BABAM2: variants seen among roughly 807,000 people sequenced by gnomAD.
BABAM2 encodes BRISC and BRCA1 A complex member 2.
Under a neutral mutation model 54.7 loss-of-function variants are expected in BABAM2, and 31 were observed. The observed-to-expected ratio is 0.57, with a 90% CI of 0.43 to 0.77. The LOEUF (loss-of-function observed/expected upper bound fraction) is 0.77. Among genes scored for constraint, BABAM2 ranks in the 30% least tolerant of loss-of-function variants. The pLI is 0.00. For missense variants in BABAM2, 364 were observed against 455.8 expected (o/e 0.80, Z 1.83); for synonymous variants, 167 against 162.9 (o/e 1.03, Z -0.19).
chr2:28,109,729 A>G (rs1375971861), intron 6 of BABAM2, among the ~76,000 whole-genome samples: 1 of 152,158 alleles, frequency 6.6e-6, no homozygotes, highest in African/African-American at 2.4e-5. Context: ...TCCGGGGTAT[A>G]TGGACGTGAC....
intron 6 of BABAM2, among the ~76,000 whole-genome samples, chr2:28,057,881 C>T (rs1266869995): frequency 1.3e-5 from 2 of 152,060 alleles, no homozygotes; most frequent in African/African-American, 2.4e-5. Flanking sequence ...CGGTGGCTCA[C>T]GCCTGTAATT....
intron 10 of BABAM2, among the ~76,000 whole-genome samples, chr2:28,284,367 T>A (rs1686624118): frequency 6.7e-6 from 1 of 149,384 alleles, no homozygotes. Context: ...ATCCTAAATA[T>A]ACAAAGATTG....
At chr2:27,999,582 A>G (rs905941393) in intron 4 of BABAM2, among the ~76,000 whole-genome samples, 8 of 152,356 alleles carry the variant, frequency 5.3e-5, no homozygotes, top group African/African-American at 1.7e-4. Context: ...AAACTTCCAC[A>G]GCCTTAGGTT....
chr2:27,900,061 C>T (rs1447868906), intron 2 of BABAM2, among the ~76,000 whole-genome samples: 1 of 152,132 alleles, frequency 6.6e-6, no homozygotes, highest in Non-Finnish European at 1.5e-5. Flanking sequence ...AAAACAATGA[C>T]AGAGTTAGGG....
intron 3 of BABAM2, among the ~76,000 whole-genome samples, chr2:27,960,592 A>G (rs1289774682): frequency 6.6e-6 from 1 of 152,160 alleles, no homozygotes; most frequent in East Asian, 1.9e-4. Context: ...AGAAAGAAAT[A>G]TTTACAGTCA....
At chr2:28,055,155 C>T (rs533275693) in intron 6 of BABAM2, among the ~76,000 whole-genome samples, 40 of 152,236 alleles carry the variant, frequency 2.6e-4, no homozygotes, top group African/African-American at 8.9e-4. Context: ...AGGAAACTAA[C>T]ACAGGAACAG....
intron 11 of BABAM2, among the ~76,000 whole-genome samples, chr2:28,316,860 C>T (rs1371666473): frequency 2.0e-5 from 3 of 152,164 alleles, no homozygotes; most frequent in Non-Finnish European, 2.9e-5. Context: ...CGCTGCTTCA[C>T]TTTAGAAATG....
chr2:27,899,492 G>A (rs536854796), intron 2 of BABAM2, among the ~76,000 whole-genome samples: 40 of 137,604 alleles, frequency 2.9e-4, no homozygotes, highest in African/African-American at 9.7e-4. Flanking sequence ...TTTTTTTTTC[G>A]TGACAGAGTT....
At chr2:28,014,576 G>T (rs758095210) in intron 4 of BABAM2, among the ~76,000 whole-genome samples, 34 of 151,634 alleles carry the variant, frequency 2.2e-4, no homozygotes, top group Non-Finnish European at 3.8e-4. Flanking sequence ...TCATTTGGAT[G>T]GCAGATATTT....
intron 3 of BABAM2, among the ~76,000 whole-genome samples, chr2:27,978,865 C>G (rs56096425): frequency 0.078 from 11,799 of 152,146 alleles, 777 homozygotes; most frequent in African/African-American, 0.18. Flanking sequence ...CAATGTTTAG[C>G]TTCCACTTAC....
At chr2:28,215,286 A>G (rs760160121) in intron 7 of BABAM2, among the ~76,000 whole-genome samples, 3 of 152,210 alleles carry the variant, frequency 2.0e-5, no homozygotes, top group Non-Finnish European at 1.5e-5. Context: ...GACCTTAAGC[A>G]AACTCTTTAA....
At chr2:28,173,663 T>A (rs543064199) in intron 7 of BABAM2, among the ~76,000 whole-genome samples, 1 of 152,246 alleles carries the variant, frequency 6.6e-6, no homozygotes, top group African/African-American at 2.4e-5. Context: ...GACCACAGCA[T>A]CCCTAATCTT....
chr2:28,296,666 T>C (rs1687716464), intron 10 of BABAM2, among the ~76,000 whole-genome samples: 2 of 152,132 alleles, frequency 1.3e-5, no homozygotes, highest in African/African-American at 4.8e-5. Context: ...GATAGATGTA[T>C]AATTATCTAG....
At chr2:28,124,731 G>C (rs1669359040) in intron 6 of BABAM2, among the ~76,000 whole-genome samples, 1 of 152,096 alleles carries the variant, frequency 6.6e-6, no homozygotes, top group African/African-American at 2.4e-5. Flanking sequence ...TCCTCACCCA[G>C]TTAGAAACAG....
chr2:28,060,887 G>A (rs1678801308), intron 6 of BABAM2, among the ~76,000 whole-genome samples: 1 of 152,212 alleles, frequency 6.6e-6, no homozygotes, highest in East Asian at 1.9e-4. Context: ...AATCTCGTAA[G>A]ATATCAGTTC....
At chr2:28,310,057 G>T in intron 11 of BABAM2, 1 of 1,611,632 alleles carries the variant, frequency 6.2e-7, no homozygotes, top group Non-Finnish European at 8.5e-7. Flanking sequence ...TATCTTAAAG[G>T]GATTTGGTTT....
chr2:28,131,438 A>G (rs1040541785), intron 7 of BABAM2, among the ~76,000 whole-genome samples: 2 of 152,184 alleles, frequency 1.3e-5, no homozygotes, highest in African/African-American at 4.8e-5. Flanking sequence ...TGGATACCAG[A>G]GGCAGTAGAA....
intron 11 of BABAM2, chr2:28,308,296 G>A: frequency 4.9e-6 from 2 of 412,056 alleles, no homozygotes; most frequent in Non-Finnish European, 9.4e-6. Flanking sequence ...TCACCCACCT[G>A]CCAGTGGCCC....
intron 4 of BABAM2, among the ~76,000 whole-genome samples, chr2:27,998,047 G>C (rs1299334552): frequency 2.0e-5 from 3 of 152,100 alleles, no homozygotes; most frequent in Non-Finnish European, 4.4e-5. Context: ...CAGCTACTCA[G>C]GAGGCTGAGG....
Sources: gnomAD v4.1 joint callset for allele counts (sites outside exome capture counted in the v4.1 genomes callset) on GRCh38, gnomAD v4.1.1 for gene constraint, MANE v1.5 for transcripts, NCBI Gene and HGNC (gene_info 2026-07-23, HGNC 2026-07-21) for gene names.